Variants in ZBTB20 observed in about 807,000 individuals in gnomAD.
The protein encoded by ZBTB20 is zinc finger and BTB domain containing 20.
ZBTB20 carries 9 observed loss-of-function variants against 56.9 expected under a neutral mutation model. That is an observed-to-expected ratio of 0.16 (90% CI 0.10 to 0.28). The LOEUF is 0.28. ZBTB20 is among the 10% of genes least tolerant of loss of function. The pLI is 1.00. For synonymous variants in ZBTB20, 417 were observed against 420.7 expected (o/e 0.99, Z 0.11); for missense variants, 655 against 1,003.0 (o/e 0.65, Z 4.69).
chr3:114,502,925 T>C (rs920368753), intron 6 of ZBTB20: 3 of 152,184 alleles, frequency 2.0e-5, no homozygotes, highest in Non-Finnish European at 4.4e-5. Context: ...AATGATCATT[T>C]TTCTGTTGCA....
chr3:115,111,109 A>G (rs1431923503), intron 1 of ZBTB20, among the ~76,000 whole-genome samples: 3 of 152,036 alleles, frequency 2.0e-5, no homozygotes, highest in African/African-American at 7.2e-5. Context: ...GAATTTACTT[A>G]TCACTAAATA....
At chr3:114,983,658 T>C (rs1217850857) in intron 2 of ZBTB20, among the ~76,000 whole-genome samples, 1 of 152,026 alleles carries the variant, frequency 6.6e-6, no homozygotes, top group Non-Finnish European at 1.5e-5. Context: ...AATTAAGGCA[T>C]AGACTTTTGC....
At chr3:114,439,538 C>T (rs1158215249) in intron 7 of ZBTB20, among the ~76,000 whole-genome samples, 1 of 152,136 alleles carries the variant, frequency 6.6e-6, no homozygotes, top group Admixed American at 6.6e-5. Flanking sequence ...AGGGTAACAT[C>T]ATGTCTAAAA....
intron 5 of ZBTB20, among the ~76,000 whole-genome samples, chr3:114,787,366 T>TATACACAC (rs1553821501): frequency 7.2e-5 from 6 of 82,900 alleles, no homozygotes; most frequent in African/African-American, 2.6e-4. Context: ...TATATATATA[T>TATACACAC]ATACACACAC....
chr3:114,766,033 G>A (rs748084995), intron 5 of ZBTB20, among the ~76,000 whole-genome samples: 5 of 152,024 alleles, frequency 3.3e-5, no homozygotes, highest in South Asian at 2.1e-4. Flanking sequence ...TGGATGAAAC[G>A]GTTACAAAGA....
intron 10 of ZBTB20, among the ~76,000 whole-genome samples, chr3:114,376,914 T>C (rs997332329): frequency 1.3e-5 from 2 of 152,166 alleles, no homozygotes; most frequent in Non-Finnish European, 2.9e-5. Flanking sequence ...ATGGGAGCCT[T>C]ATTTGGGGGA....
At chr3:114,960,904 G>T (rs540732871) in intron 3 of ZBTB20, among the ~76,000 whole-genome samples, 1 of 152,012 alleles carries the variant, frequency 6.6e-6, no homozygotes, top group African/African-American at 2.4e-5. Context: ...AAAGCATGAC[G>T]CCATGAAAAA....
intron 10 of ZBTB20, among the ~76,000 whole-genome samples, chr3:114,365,966 C>T (rs941453929): frequency 6.6e-6 from 1 of 152,160 alleles, no homozygotes; most frequent in African/African-American, 2.4e-5. Context: ...CCTATATTTT[C>T]ACAAATGGGC....
At chr3:114,721,732 T>G (rs2064928571) in intron 5 of ZBTB20, among the ~76,000 whole-genome samples, 1 of 152,140 alleles carries the variant, frequency 6.6e-6, no homozygotes, top group Non-Finnish European at 1.5e-5. Flanking sequence ...CAAGGGATCT[T>G]TTGGTGGATT....
rs561876135 is a variant in ZBTB20 at position 114,648,344 on chromosome 3, T to C, written c.-295+45184A>G. On this transcript the variant is annotated intron_variant, in intron 6 of 11. Transcript: ENST00000675478. The stretch of plus-strand genomic sequence containing the variant: ...ATTTTGCTAAGCATTTTATATACAT[T>C]CTTAAAATTAATAATTTCAAAGATT... Among the ~76,000 whole-genome samples, 19 of 152,072 alleles carry C rather than the reference T, an allele frequency of 1.2e-4. No homozygotes were observed. The South Asian group carries it at 2.5e-3, about 20-fold the overall frequency.
chr3:114,934,270 A>AGACCTCCACTTACCTGC (rs1339617106), intron 3 of ZBTB20, among the ~76,000 whole-genome samples: 1 of 152,136 alleles, frequency 6.6e-6, no homozygotes, highest in East Asian at 1.9e-4. Context: ...TTCATCTTTT[A>AGACCTCCACTTACCTGC]GACCTCCACT....
chr3:114,721,459 T>C (rs1199983968), intron 5 of ZBTB20, among the ~76,000 whole-genome samples: 2 of 152,118 alleles, frequency 1.3e-5, no homozygotes, highest in Non-Finnish European at 2.9e-5. Context: ...TCTAGAGACA[T>C]TGTGGAGGAA....
intron 6 of ZBTB20, among the ~76,000 whole-genome samples, chr3:114,530,338 A>G (rs978673941): frequency 5.3e-5 from 8 of 152,186 alleles, no homozygotes; most frequent in African/African-American, 1.4e-4. Context: ...AAAACTTACC[A>G]TTCTGTTATA....
chr3:114,583,470 T>C lies in ZBTB20; in HGVS notation c.-294-83079A>G, dbSNP rs377597511. 8.7e-4 allele frequency among the ~76,000 whole-genome samples: 132 copies of C among 152,278 alleles called. 2 individuals are homozygous for C. The South Asian group carries it at 0.012, about 13-fold the overall frequency. Reference sequence around the variant, plus strand: ...ACAATTACAAGGACCAACTCAAACATGGCTAAAAGTGGGAATAAAAATAAG... The same window carrying C: ...ACAATTACAAGGACCAACTCAAACACGGCTAAAAGTGGGAATAAAAATAAG... On this transcript the variant is annotated intron_variant, in intron 6 of 11. Coordinates refer to ENST00000675478, the MANE Select transcript of ZBTB20 (RefSeq NM_001348800.3).
At chr3:115,132,859 A>G (rs1412261276) in intron 1 of ZBTB20, among the ~76,000 whole-genome samples, 1 of 152,184 alleles carries the variant, frequency 6.6e-6, no homozygotes, top group Non-Finnish European at 1.5e-5. Flanking sequence ...TGATGATGTA[A>G]TAAATTAAAT....
intron 6 of ZBTB20, among the ~76,000 whole-genome samples, chr3:114,560,876 T>A (rs1023435535): frequency 1.8e-4 from 28 of 152,188 alleles, no homozygotes; most frequent in Admixed American, 6.5e-4. Flanking sequence ...GGTGATGCTG[T>A]TTGATAGCAT....
At chr3:114,859,987 T>C (rs1430224422) in intron 4 of ZBTB20, among the ~76,000 whole-genome samples, 1 of 152,182 alleles carries the variant, frequency 6.6e-6, no homozygotes, top group East Asian at 1.9e-4. Flanking sequence ...TATAGGTGTT[T>C]GTCACTATGG....
intron 1 of ZBTB20, among the ~76,000 whole-genome samples, chr3:115,116,393 G>A (rs533184312): frequency 6.6e-6 from 1 of 152,104 alleles, no homozygotes; most frequent in African/African-American, 2.4e-5. Context: ...TGGAATGCAT[G>A]GACTTTATTT....
Position 115,045,978 on chromosome 3 carries a change from T to C in ZBTB20, c.-507+25241A>G, listed in dbSNP as rs765482841. Among the ~76,000 whole-genome samples, 14 of 152,204 alleles carry C rather than the reference T, an allele frequency of 9.2e-5. 1 individual carries two copies. Among genetic ancestry groups the C allele is most frequent in the Non-Finnish European group, 1.3e-4 (9 of 67,998 alleles). On this transcript the variant is annotated intron_variant, in intron 2 of 11. Transcript: ENST00000675478. ...TACAATCTTTCATCAAGGTATCTCT[T>C]ACTGGCTCAATGATAAATTGTGTGA...
Sources: gnomAD v4.1 joint callset for allele counts (sites outside exome capture counted in the v4.1 genomes callset) on GRCh38, gnomAD v4.1.1 for gene constraint, MANE v1.5 for transcripts, NCBI Gene and HGNC (gene_info 2026-07-23, HGNC 2026-07-21) for gene names.